The following SH3RF3 variants were observed in gnomAD, a reference collection of about 807,000 sequenced individuals.
The protein encoded by SH3RF3 is SH3 domain containing ring finger 3, also known as E3 ubiquitin-protein ligase SH3RF3.
Under a neutral mutation model 66.3 loss-of-function variants are expected in SH3RF3, and 29 were observed. The observed-to-expected ratio is 0.44, with a 90% CI of 0.33 to 0.60. The LOEUF is 0.60. Ranked by LOEUF, SH3RF3 falls within the 20% of genes least tolerant of loss-of-function variation. SH3RF3 has a pLI of 0.04. For missense variants in SH3RF3, 1,194 were observed against 1,190.9 expected (o/e 1.00, Z -0.04); for synonymous variants, 583 against 532.0 (o/e 1.10, Z -1.32).
chr2:109,390,111 GGCC>G (rs1675943727), intron 3 of SH3RF3, among the ~76,000 whole-genome samples: 1 of 152,180 alleles, frequency 6.6e-6, no homozygotes, highest in Non-Finnish European at 1.5e-5. Context: ...GTCTACCGGA[GGCC>G]ATGCGGGTCC....
chr2:109,292,166 A>C (rs1681199285), intron 1 of SH3RF3, among the ~76,000 whole-genome samples: 1 of 152,198 alleles, frequency 6.6e-6, no homozygotes, highest in Non-Finnish European at 1.5e-5. Context: ...CCTGGCCCCA[A>C]TATGTATTTT....
At chr2:109,173,728 G>C (rs1004035976) in intron 1 of SH3RF3, among the ~76,000 whole-genome samples, 1 of 152,216 alleles carries the variant, frequency 6.6e-6, no homozygotes, top group African/African-American at 2.4e-5. Context: ...TGGAGGGGCA[G>C]TGTCTAGGGG....
intron 1 of SH3RF3, among the ~76,000 whole-genome samples, chr2:109,188,667 G>A (rs1287591739): frequency 6.6e-6 from 1 of 152,182 alleles, no homozygotes; most frequent in African/African-American, 2.4e-5. Flanking sequence ...GGAATGCAAA[G>A]CGCTTGGGTT....
At chr2:109,326,470 G>A (rs1682159122) in intron 1 of SH3RF3, among the ~76,000 whole-genome samples, 1 of 152,190 alleles carries the variant, frequency 6.6e-6, no homozygotes, top group Non-Finnish European at 1.5e-5. Context: ...ACCAGCAGTG[G>A]TGAGAGACGT....
intron 1 of SH3RF3, among the ~76,000 whole-genome samples, chr2:109,306,920 G>GA (rs1559014315): frequency 1.3e-5 from 2 of 152,234 alleles, no homozygotes; most frequent in African/African-American, 4.8e-5. Flanking sequence ...ATGCATGCCC[G>GA]TGTGGATGGC....
At chr2:109,352,809 GCACCCTCTTAGCCACTACAGAC>G in intron 2 of SH3RF3, among the ~76,000 whole-genome samples, 1 of 152,340 alleles carries the variant, frequency 6.6e-6, no homozygotes, top group Non-Finnish European at 1.5e-5. Flanking sequence ...GGGGAGCAGA[GCACCCTCTTAGCCACTACAGAC>G]CACCCTCGCC....
chr2:109,266,577 C>T (rs1680502059), intron 1 of SH3RF3, among the ~76,000 whole-genome samples: 1 of 152,032 alleles, frequency 6.6e-6, no homozygotes, highest in African/African-American at 2.4e-5. Context: ...ACGTTTTGTG[C>T]CTGATGCCCG....
rs542950110 is a variant in SH3RF3 at position 109,461,795 on chromosome 2, C to G, written c.2148+12306C>G. On this transcript the variant is annotated intron_variant, in intron 8 of 9. Transcript: ENST00000309415. ...AGTGGTAGAGCATCTTTCACAGCAGCCTGGACCTGTTGCAGAGCCTTTTTT... is the reference window on the plus strand; with the variant it reads ...AGTGGTAGAGCATCTTTCACAGCAGGCTGGACCTGTTGCAGAGCCTTTTTT... 2.6e-5 allele frequency among the ~76,000 whole-genome samples: 4 copies of G among 152,372 alleles called. No individual in the cohort carries two copies. In the South Asian group the frequency reaches 8.3e-4, roughly 32 times the overall value.
At chr2:109,131,250 G>GT (rs576144783) in intron 1 of SH3RF3, among the ~76,000 whole-genome samples, 608 of 151,230 alleles carry the variant, frequency 4.0e-3, no homozygotes, top group Non-Finnish European at 6.9e-3. Context: ...GCTGCAATGG[G>GT]TTTTTTTTTC....
At chr2:109,355,573 C>G (rs1482294436) in intron 2 of SH3RF3, among the ~76,000 whole-genome samples, 1 of 152,214 alleles carries the variant, frequency 6.6e-6, no homozygotes, top group Non-Finnish European at 1.5e-5. Flanking sequence ...TGACCTGTGA[C>G]ATAGAGCACA....
chr2:109,473,153 C>G (rs1230024368), intron 8 of SH3RF3, among the ~76,000 whole-genome samples: 1 of 152,232 alleles, frequency 6.6e-6, no homozygotes, highest in Non-Finnish European at 1.5e-5. Context: ...CAAGTTAACT[C>G]TTGCAAAGCT....
chr2:109,378,626 T>C (rs1683443928), intron 3 of SH3RF3, among the ~76,000 whole-genome samples: 1 of 152,240 alleles, frequency 6.6e-6, no homozygotes, highest in Admixed American at 6.5e-5. Flanking sequence ...TTTGTTAAAT[T>C]GCTTAGACTC....
At chr2:109,278,388 A>G (rs2105336016) in intron 1 of SH3RF3, among the ~76,000 whole-genome samples, 1 of 152,240 alleles carries the variant, frequency 6.6e-6, no homozygotes, top group Admixed American at 6.5e-5. Context: ...AGTGGTGATG[A>G]CACTTCTGAA....
intron 1 of SH3RF3, among the ~76,000 whole-genome samples, chr2:109,132,759 GT>G (rs1676727692): frequency 6.6e-6 from 1 of 152,168 alleles, no homozygotes; most frequent in Non-Finnish European, 1.5e-5. Context: ...AGGCTAACTT[GT>G]TTGTTTATTG....
chr2:109,431,005 A>C (rs889942938), intron 5 of SH3RF3, among the ~76,000 whole-genome samples: 9 of 152,256 alleles, frequency 5.9e-5, no homozygotes, highest in Admixed American at 5.2e-4. Context: ...AAAGGGGGGC[A>C]GATTTCATAT....
chr2:109,367,143 T>TTTA (rs1312652917), intron 2 of SH3RF3, among the ~76,000 whole-genome samples: 1 of 139,542 alleles, frequency 7.2e-6, no homozygotes, highest in Non-Finnish European at 1.5e-5. Flanking sequence ...TTTTTTTTTT[T>TTTA]AGTAGAGACA....
intron 9 of SH3RF3, among the ~76,000 whole-genome samples, chr2:109,499,807 G>A (rs1057019160): frequency 5.3e-5 from 8 of 152,100 alleles, no homozygotes; most frequent in African/African-American, 1.4e-4. Context: ...AATCATAGCC[G>A]GACACTAGTG....
In SH3RF3 at chr2:109,129,453, C is replaced by T. The variant is rs1470223117; in HGVS notation, c.-88C>T. 1 of 1,493,786 alleles carries T rather than the reference C, an allele frequency of 6.7e-7. No homozygotes were observed. The allele number at this position is 1,493,786 out of a possible 1,614,324, so 92.5% of individuals were successfully genotyped here. A position where few individuals can be genotyped will look rare whatever the true frequency, so the allele number is the denominator to read the frequency against. On this transcript the variant is annotated 5_prime_UTR_variant, in exon 1 of 10. Coordinates refer to ENST00000309415, the MANE Select transcript of SH3RF3 (RefSeq NM_001099289.3). ...GAAAGTCACGGCGGAGCCCGGCTCC[C>T]CAGTCCTGATGCTGGCTGCCGGTGG...
At chr2:109,242,311 G>C (rs1466922365) in intron 1 of SH3RF3, among the ~76,000 whole-genome samples, 1 of 152,176 alleles carries the variant, frequency 6.6e-6, no homozygotes, top group Non-Finnish European at 1.5e-5. Flanking sequence ...TGGAAGCCAG[G>C]CCTGGGAGTC....
Sources: gnomAD v4.1 joint callset for allele counts (sites outside exome capture counted in the v4.1 genomes callset) on GRCh38, gnomAD v4.1.1 for gene constraint, MANE v1.5 for transcripts, NCBI Gene and HGNC (gene_info 2026-07-23, HGNC 2026-07-21) for gene names.